CHD6: variants seen among roughly 807,000 people sequenced by gnomAD.
CHD6 encodes chromodomain helicase DNA binding protein 6, also known as ATP-dependent chromatin remodeler CHD6.
A neutral mutation model predicts 276.9 loss-of-function variants in CHD6; 50 were observed. That is an observed-to-expected ratio of 0.18 (90% confidence interval 0.14 to 0.23). The LOEUF (loss-of-function observed/expected upper bound fraction) is 0.23, where lower values mean the gene tolerates loss of function less well. CHD6 is among the 10% of genes least tolerant of loss of function. The pLI, the probability that CHD6 is intolerant of heterozygous loss-of-function variation, is 1.00. For missense variants in CHD6, 2,564 were observed against 3,365.8 expected, an observed-to-expected ratio of 0.76 and a Z score of 5.89; for synonymous variants, 1,173 against 1,229.3, an observed-to-expected ratio of 0.95 and a Z score of 0.96.
At chr20:41,565,184 C>T (rs1306179933) in intron 1 of CHD6, among the ~76,000 whole-genome samples, 1 of 151,784 alleles carries the variant, frequency 6.6e-6, no homozygotes, top group East Asian at 1.9e-4. Flanking sequence ...GCAACCTCTG[C>T]CTCCTAGATT....
chr20:41,478,358 A>C (rs1378701765), intron 16 of CHD6, among the ~76,000 whole-genome samples: 8 of 152,136 alleles, frequency 5.3e-5, no homozygotes, highest in Non-Finnish European at 2.9e-5. Context: ...AACTATAAAA[A>C]CCAAAATGAA....
At chr20:41,416,544 C>A in intron 33 of CHD6, 44 bp downstream of exon 33, 1 of 1,541,358 alleles carries the variant, frequency 6.5e-7, no homozygotes, top group Admixed American at 1.8e-5. Flanking sequence ...TGGAACACGC[C>A]CACCATTCTT....
At position 41,450,701 on chromosome 20, in the gene CHD6, G is replaced by T. The variant is rs191386827; in HGVS notation, c.3683+245C>A. ...GAGAGTCAAAATAGAAAAATCCTCA[G>T]GGGTATATACAATGCAGTGGCAGAG... On this transcript the variant is annotated intron_variant, in intron 23 of 36. Coordinates refer to ENST00000373233, the MANE Select transcript of CHD6 (RefSeq NM_032221.5). 2.6e-3 allele frequency among the ~76,000 whole-genome samples: 390 copies of T among 152,278 alleles called. 2 individuals are homozygous for T. Among genetic ancestry groups the T allele is most frequent in the South Asian group, 0.011 (55 of 4,826 alleles).
intron 1 of CHD6, among the ~76,000 whole-genome samples, chr20:41,574,334 TATACTTGGAG>T (rs1358213040): frequency 8.5e-5 from 13 of 152,220 alleles, no homozygotes; most frequent in Non-Finnish European, 5.9e-5. Context: ...GGGTCCTACC[TATACTTGGAG>T]ATAATGAAAT....
intron 5 of CHD6, among the ~76,000 whole-genome samples, chr20:41,499,890 A>G (rs2043791016): frequency 6.6e-6 from 1 of 152,152 alleles, no homozygotes; most frequent in Non-Finnish European, 1.5e-5. Flanking sequence ...ATCAAGGTAT[A>G]ATTATTCTCT....
chr20:41,617,296 T>C (rs977860709), intron 1 of CHD6, among the ~76,000 whole-genome samples: 4 of 152,090 alleles, frequency 2.6e-5, no homozygotes, highest in Non-Finnish European at 4.4e-5. Flanking sequence ...GAGCTCAAAA[T>C]TGAATTATAC....
In CHD6 at chr20:41,405,290, A is replaced by G. The variant is rs768328683; in HGVS notation, c.7451T>C (p.Met2484Thr). The G allele has an allele frequency of 6.2e-6, 10 of 1,613,902 alleles. No homozygotes were observed. The South Asian group carries it at 8.8e-5, about 14-fold the overall frequency. The change falls in exon 37 of 37, where the codon ATG becomes ACG. Residue 2484 changes from methionine to threonine, a missense_variant. Met to Thr is a moderately conservative substitution (Grantham distance 81, BLOSUM62 -1). This residue lies in a region of CHD6 where 25 missense variants were observed against 50.8 expected (regional missense o/e 0.49). Transcript: ENST00000373233. ...AGMDLVGLQN[M>T]RNMPGIPLTG... ...GAGGGGGATGCCTGGCATATTTCTC[A>G]TGTTCTGAAGTCCTACCAGGTCCAT...
chr20:41,421,084 T>C lies in CHD6; in HGVS notation c.5551A>G (p.Lys1851Glu). ...AAAATCAATTTACTTTCTAAGCTTT[T>C]GTTTTCCAATAAATCAATTAATTGC... is the stretch of plus-strand genomic sequence containing the variant. ...DQQLIDLLEN[K>E]SLESKLILSQ... Residue 1851 changes from lysine (K) to glutamate (E), a missense_variant, in exon 31 of 37, where the codon AAA becomes GAA. Lys to Glu is a moderately conservative substitution (Grantham distance 56, BLOSUM62 1). Around this residue, in one of 7 missense-constraint regions of CHD6, gnomAD observed 1,024 missense variants for 1,047.9 expected, o/e 0.98. Transcript: ENST00000373233. 1 of 1,614,182 alleles carries C rather than the reference T, an allele frequency of 6.2e-7. No individual in the cohort carries two copies. The highest frequency in any genetic ancestry group is 8.5e-7 in the Non-Finnish European group (1 of 1,180,046).
chr20:41,582,710 T>A (rs968978987), intron 1 of CHD6, among the ~76,000 whole-genome samples: 1 of 152,124 alleles, frequency 6.6e-6, no homozygotes, highest in South Asian at 2.1e-4. Flanking sequence ...AAATTTAAAA[T>A]AACAACAATT....
At chr20:41,487,963 A>G (rs2043457641) in intron 13 of CHD6, among the ~76,000 whole-genome samples, 155 bp from the exon 14 acceptor site, 1 of 152,206 alleles carries the variant, frequency 6.6e-6, no homozygotes, top group Admixed American at 6.5e-5. Context: ...GGGTACAGTC[A>G]ATAAACGAAT....
intron 5 of CHD6, among the ~76,000 whole-genome samples, chr20:41,505,421 G>T (rs1050871453): frequency 5.9e-5 from 9 of 152,060 alleles, no homozygotes; most frequent in African/African-American, 2.2e-4. Flanking sequence ...TCCCCACCAG[G>T]GTCAGATGGT....
intron 17 of CHD6, among the ~76,000 whole-genome samples, chr20:41,471,990 T>C (rs886203244): frequency 2.0e-5 from 3 of 151,954 alleles, no homozygotes; most frequent in East Asian, 3.9e-4. Flanking sequence ...TCCCACCACT[T>C]TGGGAGGCCG....
At chr20:41,535,670 G>A (rs1325401986) in intron 2 of CHD6, among the ~76,000 whole-genome samples, 1 of 152,070 alleles carries the variant, frequency 6.6e-6, no homozygotes, top group Admixed American at 6.5e-5. Context: ...ACCAGCCTGG[G>A]CAATAGAGCA....
In CHD6 at chr20:41,405,315, T is replaced by A. The variant is rs1478507207; in HGVS notation, c.7426A>T (p.Met2476Leu). Residue 2476 changes from methionine to leucine, a missense_variant, in exon 37 of 37, where the codon ATG becomes TTG. Transcript: ENST00000373233. ...PLFMNGLIAG[M>L]DLVGLQNMRN... Reference sequence around the variant, plus strand: ...ATGTTCTGAAGTCCTACCAGGTCCATCCCAGCAATCAGTCCATTCATGAAC... The same window carrying A: ...ATGTTCTGAAGTCCTACCAGGTCCAACCCAGCAATCAGTCCATTCATGAAC... 1.2e-6 allele frequency: 2 copies of A among 1,614,198 alleles called. No homozygotes were observed. Among genetic ancestry groups the A allele is most frequent in the Non-Finnish European group, 1.7e-6 (2 of 1,180,034 alleles).
intron 2 of CHD6, among the ~76,000 whole-genome samples, chr20:41,542,034 G>A (rs1194665085): frequency 1.3e-5 from 2 of 152,092 alleles, no homozygotes; most frequent in Non-Finnish European, 1.5e-5. Context: ...GAGGAGAGAG[G>A]GAAAATAATA....
intron 31 of CHD6, among the ~76,000 whole-genome samples, chr20:41,417,753 G>A (rs190977939): frequency 1.5e-4 from 23 of 152,258 alleles, no homozygotes; most frequent in Admixed American, 6.5e-4. Context: ...AATGTAACAC[G>A]GCAAGACGGT....
intron 2 of CHD6, among the ~76,000 whole-genome samples, chr20:41,546,379 G>A (rs751591224): frequency 9.2e-5 from 14 of 152,206 alleles, no homozygotes; most frequent in East Asian, 7.7e-4. Flanking sequence ...GCTCCAAGCC[G>A]TCATCCTACT....
At chr20:41,583,090 A>G (rs947762892) in intron 1 of CHD6, among the ~76,000 whole-genome samples, 13 of 152,172 alleles carry the variant, frequency 8.5e-5, no homozygotes, top group African/African-American at 2.9e-4. Flanking sequence ...CAGGGGGGAA[A>G]AAAAGGCTAA....
chr20:41,455,374 C>T (rs140543519), intron 19 of CHD6, among the ~76,000 whole-genome samples: 4 of 152,282 alleles, frequency 2.6e-5, no homozygotes, highest in Non-Finnish European at 5.9e-5. Flanking sequence ...GGGAATTTTA[C>T]GTAAAATCTC....
Sources: allele counts gnomAD v4.1 joint callset (sites outside exome capture counted in the v4.1 genomes callset), GRCh38; gene constraint gnomAD v4.1.1; regional missense constraint gnomAD v4.1.1; transcripts MANE v1.5; gene names NCBI Gene and HGNC (gene_info 2026-07-23, HGNC 2026-07-21).